The following STK32B variants were observed in gnomAD, a reference collection of about 807,000 sequenced individuals.
The protein encoded by STK32B is serine/threonine kinase 32B.
In STK32B, 43 loss-of-function variants were observed where a neutral mutation model predicts 52.6. The observed-to-expected ratio is 0.82, with a 90% CI of 0.64 to 1.05. The LOEUF (loss-of-function observed/expected upper bound fraction) is 1.05. Among genes scored for constraint, STK32B ranks in the 50% least tolerant of loss-of-function variants. The pLI is 0.00. For synonymous variants in STK32B, 238 were observed against 204.3 expected (o/e 1.17, Z -1.41); for missense variants, 621 against 534.6 (o/e 1.16, Z -1.59).
intron 1 of STK32B, among the ~76,000 whole-genome samples, chr4:5,119,615 C>T (rs1299532292): frequency 6.6e-6 from 1 of 152,236 alleles, no homozygotes; most frequent in Admixed American, 6.5e-5. Flanking sequence ...AAAACCTGAG[C>T]ATACGCTCAG....
chr4:5,402,754 G>A (rs10026388), intron 5 of STK32B, among the ~76,000 whole-genome samples: 1 of 152,212 alleles, frequency 6.6e-6, no homozygotes, highest in African/African-American at 2.4e-5. Flanking sequence ...GGGAGGAGTG[G>A]AAATGTAAAC....
At chr4:5,421,292 G>T (rs572686834) in intron 6 of STK32B, among the ~76,000 whole-genome samples, 2 of 151,680 alleles carry the variant, frequency 1.3e-5, no homozygotes, top group African/African-American at 2.4e-5. Flanking sequence ...GGGTTTCACT[G>T]TGTTAGCCAG....
intron 3 of STK32B, among the ~76,000 whole-genome samples, chr4:5,328,933 C>T (rs559255550): frequency 2.6e-4 from 39 of 152,230 alleles, no homozygotes; most frequent in African/African-American, 8.2e-4. Context: ...GGTGGCCGGG[C>T]GCGGTGGCTC....
intron 11 of STK32B, 77 bp downstream of exon 11, chr4:5,468,147 C>T: frequency 6.8e-7 from 1 of 1,475,792 alleles, no homozygotes; most frequent in Admixed American, 1.7e-5. Flanking sequence ...AATCACAGTC[C>T]CTGCCCCCCA....
intron 4 of STK32B, among the ~76,000 whole-genome samples, chr4:5,336,246 T>A (rs1184936615): frequency 6.6e-6 from 1 of 151,312 alleles, no homozygotes; most frequent in African/African-American, 2.4e-5. Flanking sequence ...TCAAGTGATT[T>A]CAATGGGAAT....
At chr4:5,070,429 C>A (rs924882610) in intron 1 of STK32B, among the ~76,000 whole-genome samples, 1 of 152,098 alleles carries the variant, frequency 6.6e-6, no homozygotes, top group African/African-American at 2.4e-5. Flanking sequence ...TAGTGAGCCC[C>A]CGTCCTTTAG....
chr4:5,466,584 C>A, intron 9 of STK32B, 119 bp from the exon 10 acceptor site: 1 of 1,307,172 alleles, frequency 7.7e-7, no homozygotes, highest in Non-Finnish European at 1.0e-6. Context: ...ACCCGTGTAT[C>A]CAACAAGAGT....
rs1406433671 is a variant in STK32B, at chr4:5,316,318, T to C, written c.261-14902T>C. Among the ~76,000 whole-genome samples, 2 of 57,798 alleles carry C rather than the reference T, an allele frequency of 3.5e-5. 1 individual carries two copies. The highest frequency in any genetic ancestry group is 2.1e-4 in the African/African-American group (2 of 9,502). 37.9% of individuals were successfully genotyped at this position (57,798 alleles called of 152,430 possible). A position where few individuals can be genotyped will look rare whatever the true frequency, so the allele number is the denominator to read the frequency against. ...TTATATATAATATATATATTGTATA[T>C]TATATATTATATACAATATAATATA... On this transcript the variant is annotated intron_variant, in intron 3 of 11. Transcript: ENST00000282908.
At chr4:5,055,217 G>A (rs1001295793) in intron 1 of STK32B, among the ~76,000 whole-genome samples, 1 of 151,672 alleles carries the variant, frequency 6.6e-6, no homozygotes, top group Non-Finnish European at 1.5e-5. Context: ...AGCCTCCCAA[G>A]TAGCTGGGAC....
chr4:5,265,576 AT>A (rs1727006109), intron 3 of STK32B, among the ~76,000 whole-genome samples: 1 of 152,234 alleles, frequency 6.6e-6, no homozygotes, highest in African/African-American at 2.4e-5. Flanking sequence ...TAATGCAAAT[AT>A]TCCAAACCAC....
intron 3 of STK32B, among the ~76,000 whole-genome samples, chr4:5,244,634 G>T (rs546416979): frequency 3.3e-5 from 5 of 152,054 alleles, no homozygotes; most frequent in Admixed American, 2.0e-4. Context: ...GAATGTGTTT[G>T]CTCTTGCTTC....
At position 5,067,827 on chromosome 4, in the gene STK32B, C is replaced by T. The variant is rs550572797; in HGVS notation, c.52+15912C>T. ...GGAAACTTTCTATCATGGCGGAAGG[C>T]GAAGGGGAAGCACGCACATCTTACA... On this transcript the variant is annotated intron_variant, in intron 1 of 11. Transcript: ENST00000282908. 7.9e-5 allele frequency among the ~76,000 whole-genome samples: 12 copies of T among 151,980 alleles called. No individual in the cohort carries two copies. In the South Asian group the frequency reaches 1.2e-3, roughly 16 times the overall value.
intron 11 of STK32B, among the ~76,000 whole-genome samples, chr4:5,482,515 A>G (rs1310300552): frequency 3.3e-5 from 5 of 152,194 alleles, no homozygotes; most frequent in African/African-American, 9.7e-5. Context: ...TAGATATACA[A>G]TCATGTCATC....
intron 2 of STK32B, among the ~76,000 whole-genome samples, chr4:5,165,760 T>C (rs1718821677): frequency 6.6e-6 from 1 of 152,208 alleles, no homozygotes; most frequent in African/African-American, 2.4e-5. Context: ...TTTGCCTCCT[T>C]GCATTTTATA....
Position 5,298,732 on chromosome 4 carries a change from G to T in STK32B, c.261-32488G>T, listed in dbSNP as rs149845356. On this transcript the variant is annotated intron_variant, in intron 3 of 11. Transcript: ENST00000282908. ...GATCTTAGCTTGCTGGGCTTTGTGG[G>T]GGTGGGACCCACTGAGCAAGACCAC... Among the ~76,000 whole-genome samples, 219 of 152,142 alleles carry T rather than the reference G, an allele frequency of 1.4e-3. 1 individual carries two copies. The highest frequency in any genetic ancestry group is 4.9e-3 in the African/African-American group (205 of 41,512).
At chr4:5,100,642 CTTTCTCTCTT>C (rs1713701221) in intron 1 of STK32B, among the ~76,000 whole-genome samples, 1 of 124,816 alleles carries the variant, frequency 8.0e-6, no homozygotes, top group East Asian at 2.7e-4. Context: ...CTCTTTCTTT[CTTTCTCTCTT>C]TCTCTTTCAT....
At chr4:5,202,862 T>C (rs1353598450) in intron 3 of STK32B, among the ~76,000 whole-genome samples, 1 of 152,248 alleles carries the variant, frequency 6.6e-6, no homozygotes, top group East Asian at 1.9e-4. Flanking sequence ...AGTGGATGAC[T>C]GGGCATGGTG....
At position 5,385,865 on chromosome 4, in the gene STK32B, C is replaced by CTCCACCTACAACCTCACCCACAGA. The variant is rs1433264757; in HGVS notation, c.435-12335_435-12312dup. Among the ~76,000 whole-genome samples the CTCCACCTACAACCTCACCCACAGA allele has an allele frequency of 3.4e-3, 510 of 151,024 alleles. 3 individuals are homozygous for CTCCACCTACAACCTCACCCACAGA. The highest frequency in any genetic ancestry group is 6.4e-3 in the Non-Finnish European group (434 of 67,548). On this transcript the variant is annotated intron_variant, in intron 4 of 11. Transcript: ENST00000282908. ...CTCCACTTAAAGCCCCCACCCACAG[C>CTCCACCTACAACCTCACCCACAGA]TCCACCTACAACCTCACCCACAGAT... is the stretch of plus-strand genomic sequence containing the variant.
chr4:5,118,122 A>T (rs1275308839), intron 1 of STK32B, among the ~76,000 whole-genome samples: 1 of 152,160 alleles, frequency 6.6e-6, no homozygotes, highest in Non-Finnish European at 1.5e-5. Context: ...ACAGTTAGAG[A>T]AGGATTGGCC....
Sources: gnomAD v4.1 joint callset for allele counts (sites outside exome capture counted in the v4.1 genomes callset) on GRCh38, gnomAD v4.1.1 for gene constraint, MANE v1.5 for transcripts, NCBI Gene and HGNC (gene_info 2026-07-23, HGNC 2026-07-21) for gene names.